The following PPP4R3B variants were observed in gnomAD, a reference collection of about 807,000 sequenced individuals.
PPP4R3B encodes protein phosphatase 4 regulatory subunit 3B, also known as serine/threonine-protein phosphatase 4 regulatory subunit 3B.
Under a neutral mutation model 95.4 loss-of-function variants are expected in PPP4R3B, and 52 were observed. The observed-to-expected ratio is 0.54, with a 90% CI of 0.44 to 0.69. PPP4R3B has a LOEUF of 0.69. PPP4R3B is among the 30% of genes least tolerant of loss of function. PPP4R3B has a pLI of 0.00. For synonymous variants in PPP4R3B, 407 were observed against 343.9 expected (o/e 1.18, Z -2.03); for missense variants, 1,003 against 1,005.9 (o/e 1.00, Z 0.04).
chr2:55,588,605 A>G (rs1690516774), intron 5 of PPP4R3B, among the ~76,000 whole-genome samples: 1 of 152,154 alleles, frequency 6.6e-6, no homozygotes, highest in Admixed American at 6.5e-5. Context: ...TTCTGTTCTA[A>G]CATAAGGCAC....
At chr2:55,596,825 G>A (rs536490115) in intron 4 of PPP4R3B, among the ~76,000 whole-genome samples, 3 of 152,166 alleles carry the variant, frequency 2.0e-5, no homozygotes, top group Non-Finnish European at 4.4e-5. Flanking sequence ...TTAGTCGAGT[G>A]TGGTGGCGTG....
chr2:55,604,365 CA>C (rs1693090442), intron 2 of PPP4R3B, among the ~76,000 whole-genome samples: 1 of 152,064 alleles, frequency 6.6e-6, no homozygotes, highest in Non-Finnish European at 1.5e-5. Flanking sequence ...CATTCTTGGC[CA>C]AAACTATAAC....
At position 55,617,297 on chromosome 2, in the gene PPP4R3B, T is replaced by C. The variant is rs754747727; in HGVS notation, c.-12A>G. ...CGCGTATCCGACATGGTGGCTGCTG[T>C]CTCCACCGCTCTAGCCGCCGCCTCC... On this transcript the variant is annotated 5_prime_UTR_variant, in exon 1 of 17. Transcript: ENST00000616407. 2.5e-6 allele frequency: 4 copies of C among 1,579,666 alleles called. No individual in the cohort carries two copies. The highest frequency in any genetic ancestry group is 3.5e-6 in the Non-Finnish European group (4 of 1,158,880).
intron 12 of PPP4R3B, among the ~76,000 whole-genome samples, chr2:55,570,734 A>T (rs1055991935): frequency 6.6e-6 from 1 of 152,230 alleles, no homozygotes; most frequent in Non-Finnish European, 1.5e-5. Context: ...GGTTCTAAAC[A>T]TTATCTGAGA....
At chr2:55,569,449 C>T (rs1436533836) in intron 12 of PPP4R3B, among the ~76,000 whole-genome samples, 5 of 152,208 alleles carry the variant, frequency 3.3e-5, no homozygotes, top group African/African-American at 1.2e-4. Context: ...CTTCAGGGGT[C>T]ACGCTCCTAG....
At chr2:55,562,335 T>C (rs1686736693) in intron 15 of PPP4R3B, among the ~76,000 whole-genome samples, 1 of 152,182 alleles carries the variant, frequency 6.6e-6, no homozygotes, top group East Asian at 1.9e-4. Context: ...GGCAGGAGAA[T>C]TGCTTGAGCC....
intron 3 of PPP4R3B, among the ~76,000 whole-genome samples, chr2:55,602,928 A>G (rs1692834528): frequency 6.6e-6 from 1 of 152,044 alleles, no homozygotes; most frequent in Non-Finnish European, 1.5e-5. Context: ...AGTAATAAAC[A>G]AATTTCCACA....
intron 3 of PPP4R3B, among the ~76,000 whole-genome samples, chr2:55,601,749 G>C (rs1692646717): frequency 6.6e-6 from 1 of 152,096 alleles, no homozygotes; most frequent in African/African-American, 2.4e-5. Flanking sequence ...TTACTTTTCA[G>C]GTTACATCTA....
At chr2:55,557,379 G>A (rs2103829594) in intron 16 of PPP4R3B, among the ~76,000 whole-genome samples, 1 of 152,216 alleles carries the variant, frequency 6.6e-6, no homozygotes, top group East Asian at 1.9e-4. Flanking sequence ...TTTTTGTAGA[G>A]ATGGGGTCTC....
chr2:55,610,687 T>A (rs1303157851), intron 2 of PPP4R3B, among the ~76,000 whole-genome samples: 1 of 152,218 alleles, frequency 6.6e-6, no homozygotes, highest in Non-Finnish European at 1.5e-5. Context: ...GCCTCATGTG[T>A]GAAATGCTTT....
chr2:55,559,318 C>A (rs1171837641), intron 15 of PPP4R3B, among the ~76,000 whole-genome samples: 1 of 152,012 alleles, frequency 6.6e-6, no homozygotes, highest in Non-Finnish European at 1.5e-5. Flanking sequence ...TGCACTCCAG[C>A]CTGGGCAACA....
chr2:55,617,153 C>G lies in PPP4R3B; in HGVS notation c.133G>C (p.Glu45Gln), dbSNP rs768241704. 27 of 1,612,156 alleles carry G rather than the reference C, an allele frequency of 1.7e-5. No homozygotes were observed. Among genetic ancestry groups the G allele is most frequent in the Non-Finnish European group, 2.2e-5 (26 of 1,179,258 alleles). The change falls in exon 1 of 17, where the codon GAG (glutamate) becomes CAG (glutamine). Residue 45 changes from glutamate (E) to glutamine (Q), a missense_variant. Transcript: ENST00000616407. ...LKGMSLLVRA[E>Q]SDGSLLLESK... ...GTTCCGATAACCTTACCGTCGGACTCTGCCCGAACCAGCAGCGACATCCCC... is the reference window on the plus strand; with the variant it reads ...GTTCCGATAACCTTACCGTCGGACTGTGCCCGAACCAGCAGCGACATCCCC...
intron 14 of PPP4R3B, 26 bp from the exon 15 acceptor site, chr2:55,564,523 G>A (rs775243426): frequency 1.7e-5 from 27 of 1,546,312 alleles, no homozygotes; most frequent in Non-Finnish European, 2.3e-5. Flanking sequence ...CACAAATATT[G>A]AGTAATGATT....
rs1220869541 is a variant in PPP4R3B at position 55,548,876 on chromosome 2, CTCT to C, written c.*1032_*1034del. ...CTTACGTATATGGAATGTGCTTTTA[CTCT>C]TCTTAAAAAAGCAGCTTTCATATCA... is the stretch of plus-strand genomic sequence containing the variant. On this transcript the variant is annotated 3_prime_UTR_variant, in exon 17 of 17. Transcript: ENST00000616407. 6.6e-6 allele frequency: 1 copy of C among 152,572 alleles called. No homozygotes were observed. Among genetic ancestry groups the C allele is most frequent in the African/African-American group, 2.4e-5 (1 of 41,432 alleles). 9.5% of individuals were successfully genotyped at this position (152,572 alleles called of 1,614,324 possible). A position where few individuals can be genotyped will look rare whatever the true frequency, so the allele number is the denominator to read the frequency against.
At chr2:55,587,222 C>G (rs1690266659) in intron 5 of PPP4R3B, among the ~76,000 whole-genome samples, 1 of 152,192 alleles carries the variant, frequency 6.6e-6, no homozygotes, top group African/African-American at 2.4e-5. Flanking sequence ...GCAAGATATA[C>G]TTTTAATGGG....
intron 3 of PPP4R3B, among the ~76,000 whole-genome samples, chr2:55,599,854 C>G (rs1479780714): frequency 1.3e-5 from 2 of 152,162 alleles, no homozygotes; most frequent in Non-Finnish European, 2.9e-5. Flanking sequence ...CCCATCAGTA[C>G]TCAACTTCCT....
At chr2:55,602,960 C>T (rs2586971) in intron 3 of PPP4R3B, among the ~76,000 whole-genome samples, 104,849 of 149,302 alleles carry the variant, frequency 0.7, 37,263 homozygotes, top group Non-Finnish European at 0.77. Context: ...GACGAATACT[C>T]TTTTTTTTTT....
intron 2 of PPP4R3B, among the ~76,000 whole-genome samples, chr2:55,606,889 A>ACTT (rs1693492780): frequency 6.6e-6 from 1 of 152,062 alleles, no homozygotes; most frequent in South Asian, 2.1e-4. Context: ...GAGAGGGGTA[A>ACTT]CTTCTTGTCA....
intron 2 of PPP4R3B, among the ~76,000 whole-genome samples, chr2:55,611,841 G>C (rs1033509184): frequency 3.3e-5 from 5 of 151,880 alleles, no homozygotes; most frequent in African/African-American, 1.2e-4. Context: ...TGATCCTCCC[G>C]TCTCACCTCC....
Sources: allele counts gnomAD v4.1 joint callset (sites outside exome capture counted in the v4.1 genomes callset), GRCh38; gene constraint gnomAD v4.1.1; transcripts MANE v1.5; gene names NCBI Gene and HGNC (gene_info 2026-07-23, HGNC 2026-07-21).